The following SPINK5 variants were observed in gnomAD, a reference collection of about 807,000 sequenced individuals.
SPINK5 encodes serine protease inhibitor Kazal-type 5.
Under a neutral mutation model 151.8 loss-of-function variants are expected in SPINK5, and 125 were observed. The observed-to-expected ratio is 0.82, with a 90% CI of 0.71 to 0.96. The LOEUF is 0.96. SPINK5 is among the 40% of genes least tolerant of loss of function. The pLI is 0.00. For missense variants in SPINK5, 1,194 were observed against 1,291.9 expected (o/e 0.92, Z 1.16); for synonymous variants, 374 against 395.3 (o/e 0.95, Z 0.64).
At chr5:148,133,533 G>A (rs1754623604) in intron 31 of SPINK5, among the ~76,000 whole-genome samples, 1 of 152,102 alleles carries the variant, frequency 6.6e-6, no homozygotes, top group Non-Finnish European at 1.5e-5. Context: ...TGATCTCCAA[G>A]TTTATTTCCA....
chr5:148,118,135 C>T (rs1754147830), intron 22 of SPINK5, among the ~76,000 whole-genome samples: 1 of 152,188 alleles, frequency 6.6e-6, no homozygotes. Flanking sequence ...TCTCCTGCCT[C>T]AGCCTCCCAA....
intron 4 of SPINK5, among the ~76,000 whole-genome samples, chr5:148,079,909 A>G (rs1390652330): frequency 2.0e-5 from 3 of 151,158 alleles, no homozygotes; most frequent in Non-Finnish European, 4.5e-5. Context: ...CTTAGCCAGT[A>G]TAAGGCAAAA....
chr5:148,095,937 C>T (rs191384444), intron 10 of SPINK5, 32 bp downstream of exon 10: 8 of 1,530,024 alleles, frequency 5.2e-6, no homozygotes, highest in Admixed American at 1.8e-5. Context: ...CTAGTTACAA[C>T]TTGTGTGTGT....
chr5:148,129,284 T>C (rs1192558126), intron 30 of SPINK5, among the ~76,000 whole-genome samples: 1 of 152,218 alleles, frequency 6.6e-6, no homozygotes, highest in Non-Finnish European at 1.5e-5. Flanking sequence ...AAGACTAATA[T>C]GATTTGATTT....
chr5:148,071,594 A>C (rs1581050721), intron 3 of SPINK5, among the ~76,000 whole-genome samples: 2 of 152,132 alleles, frequency 1.3e-5, no homozygotes, highest in East Asian at 1.9e-4. Context: ...GAAATGCCTT[A>C]AGAGTCTAAA....
At chr5:148,116,152 T>C (rs938232257) in intron 21 of SPINK5, among the ~76,000 whole-genome samples, 1 of 152,166 alleles carries the variant, frequency 6.6e-6, no homozygotes, top group Non-Finnish European at 1.5e-5. Context: ...TGGTGATATA[T>C]ATGTGGTGTT....
At chr5:148,111,710 A>C (rs1311009539) in intron 18 of SPINK5, 58 bp from the exon 19 acceptor site, 3 of 1,612,544 alleles carry the variant, frequency 1.9e-6, no homozygotes, top group African/African-American at 2.7e-5. Context: ...ATTGTGGAGG[A>C]AGATTTCTAG....
chr5:148,125,890 G>C, intron 29 of SPINK5, 40 bp downstream of exon 29: 1 of 1,613,990 alleles, frequency 6.2e-7, no homozygotes, highest in East Asian at 2.2e-5. Flanking sequence ...GCTAGCAGGG[G>C]AACTGCATTT....
intron 6 of SPINK5, chr5:148,088,955 C>G (rs1753233824): frequency 2.1e-6 from 1 of 478,024 alleles, no homozygotes; most frequent in South Asian, 1.6e-5. Flanking sequence ...GTTTGGAGAC[C>G]TTGGACAAAT....
chr5:148,134,088 AT>A, intron 32 of SPINK5: 1 of 649,436 alleles, frequency 1.5e-6, no homozygotes, highest in Non-Finnish European at 2.8e-6. Flanking sequence ...AGCAGTTAAT[AT>A]TTTAAAATAT....
Position 148,120,061 on chromosome 5 carries a change from CT to C in SPINK5, c.2367del (p.Arg790GlufsTer134). The C allele has an allele frequency of 6.2e-7, 1 of 1,614,012 alleles. No individual in the cohort carries two copies. The highest frequency in any genetic ancestry group is 8.5e-7 in the Non-Finnish European group (1 of 1,179,908). ...SQMKNGKLICTRESDPVRGPD... is the reference protein window; with the variant it reads ...SQMKNGKLICXRESDPVRGPD... ...ATGAAAAATGGAAAACTCATCTGCACTCGAGAAAGTGACCCTGTCCGGGGTC... is the reference window on the plus strand; with the variant it reads ...ATGAAAAATGGAAAACTCATCTGCACCGAGAAAGTGACCCTGTCCGGGGTC... On this transcript the variant is annotated frameshift_variant, in exon 25 of 33. Transcript: ENST00000256084. LOFTEE classifies it high-confidence loss of function.
At chr5:148,112,554 T>G (rs1355115978) in intron 19 of SPINK5, among the ~76,000 whole-genome samples, 1 of 152,022 alleles carries the variant, frequency 6.6e-6, no homozygotes, top group African/African-American at 2.4e-5. Context: ...ACGCATGTAG[T>G]CCCAGCTACT....
chr5:148,098,514 T>G (rs12657443), intron 11 of SPINK5, among the ~76,000 whole-genome samples: 70,907 of 151,922 alleles, frequency 0.47, 17,316 homozygotes, highest in Admixed American at 0.59. Flanking sequence ...AATTAAGTAT[T>G]TAACTTATAT....
At chr5:148,108,922 C>T in intron 18 of SPINK5, 85 bp downstream of exon 18, 7 of 1,586,194 alleles carry the variant, frequency 4.4e-6, no homozygotes, top group Non-Finnish European at 6.0e-6. Flanking sequence ...CTCCTCATTC[C>T]AGTATTCTTA....
intron 18 of SPINK5, among the ~76,000 whole-genome samples, chr5:148,110,991 TA>T (rs113603513): frequency 2.0e-5 from 3 of 151,618 alleles, no homozygotes; most frequent in Admixed American, 6.6e-5. Flanking sequence ...TAAAATAAAA[TA>T]AAAAACAATG....
At chr5:148,092,893 T>A (rs968030299) in intron 8 of SPINK5, among the ~76,000 whole-genome samples, 2 of 151,910 alleles carry the variant, frequency 1.3e-5, no homozygotes, top group Non-Finnish European at 2.9e-5. Flanking sequence ...AATTATTTTT[T>A]AAAAAACCAA....
chr5:148,120,435 A>G lies in SPINK5; in HGVS notation c.2538+44A>G. On this transcript the variant is annotated intron_variant, in intron 26 of 32. Coordinates refer to ENST00000256084, the MANE Select transcript of SPINK5 (RefSeq NM_006846.4). ...GCTAATACCTGAATTCAGTTAGTTC[A>G]TTGTATGGTATATTTATTCAACAAA... 3 of 1,552,700 alleles carry G rather than the reference A, an allele frequency of 1.9e-6. No homozygotes were observed. The South Asian group carries it at 3.5e-5, about 18-fold the overall frequency.
chr5:148,111,655 A>G lies in SPINK5; in HGVS notation c.1693-113A>G, dbSNP rs2287770. The G allele has an allele frequency of 0.11, 164,849 of 1,520,176 alleles. 13,396 individuals are homozygous for G. The highest frequency in any genetic ancestry group is 0.3 in the East Asian group (13,100 of 43,182). 94.2% of individuals were successfully genotyped at this position (1,520,176 alleles called of 1,614,324 possible). A position where few individuals can be genotyped will look rare whatever the true frequency, so the allele number is the denominator to read the frequency against. ...ATTTTGGTTACTATCAACCTTCAGC[A>G]TCACCTTTTCCATGCAATCATTATG... On this transcript the variant is annotated intron_variant, in intron 18 of 32. Coordinates refer to ENST00000256084, the MANE Select transcript of SPINK5 (RefSeq NM_006846.4).
chr5:148,082,147 T>C (rs1232796005), intron 4 of SPINK5, among the ~76,000 whole-genome samples: 1 of 151,380 alleles, frequency 6.6e-6, no homozygotes, highest in Non-Finnish European at 1.5e-5. Flanking sequence ...CTTGTCTCTT[T>C]GGTCAGTCCT....
Sources: gnomAD v4.1 joint callset for allele counts (sites outside exome capture counted in the v4.1 genomes callset) on GRCh38, gnomAD v4.1.1 for gene constraint, MANE v1.5 for transcripts, NCBI Gene and HGNC (gene_info 2026-07-23, HGNC 2026-07-21) for gene names.